The following IL4I1 variants were observed in gnomAD, a reference collection of about 807,000 sequenced individuals.
The protein encoded by IL4I1 is L-amino-acid oxidase.
In IL4I1, 24 loss-of-function variants were observed where a neutral mutation model predicts 29.7. That is an observed-to-expected ratio of 0.81 (90% CI 0.59 to 1.14). IL4I1 has a LOEUF of 1.14. Among genes scored for constraint, IL4I1 ranks in the 50% most tolerant of loss-of-function variants. The pLI is 0.00. For missense variants in IL4I1, 686 were observed against 785.6 expected (o/e 0.87, Z 1.52); for synonymous variants, 371 against 352.5 (o/e 1.05, Z -0.59).
At chr19:49,899,558 TTTTG>T, upstream of IL4I1, among the ~76,000 whole-genome samples, 1 of 150,954 alleles carries the variant, frequency 6.6e-6, no homozygotes, top group East Asian at 2.0e-4. Flanking sequence ...TTTTTGTTTT[TTTTG>T]TTTTTTTTAA....
chr19:49,927,947 G>C (rs1471370888), intron 1 of IL4I1: 1 of 152,266 alleles, frequency 6.6e-6, no homozygotes, highest in African/African-American at 2.4e-5. Context: ...TTGGGAGATA[G>C]TTCCTATCCA....
chr19:49,927,033 G>GT (rs2075911667), intron 2 of IL4I1, among the ~76,000 whole-genome samples: 1 of 151,838 alleles, frequency 6.6e-6, no homozygotes, highest in African/African-American at 2.4e-5. Flanking sequence ...CTATTTTTTT[G>GT]TATTTTTGGT....
At chr19:49,909,481 T>A in intron 2 of IL4I1, 1 of 1,614,132 alleles carries the variant, frequency 6.2e-7, no homozygotes, top group Non-Finnish European at 8.5e-7. Context: ...CGCTGGGGTT[T>A]GCCATGGCTG....
upstream of IL4I1, among the ~76,000 whole-genome samples, chr19:49,897,859 GAAGATGGGAAACTCCCGCAGTAAATCA>G (rs2075231711): frequency 6.6e-6 from 1 of 152,180 alleles, no homozygotes; most frequent in African/African-American, 2.4e-5. Context: ...TAACAAGAAG[GAAGATGGGAAACTCCCGCAGTAAATCA>G]AAGAGGGATG....
chr19:49,907,879 A>C, intron 2 of IL4I1: 1 of 384,698 alleles, frequency 2.6e-6, no homozygotes, highest in Non-Finnish European at 4.8e-6. Context: ...GACACCTATG[A>C]CTATGCTTTG....
At chr19:49,907,965 A>G in intron 2 of IL4I1, 2 of 585,054 alleles carry the variant, frequency 3.4e-6, no homozygotes, top group East Asian at 6.6e-5. Flanking sequence ...CTGAGCCAGG[A>G]TGAGGTGGGT....
At chr19:49,894,942 G>A (rs1309536594) in intron 4 of IL4I1, 126 bp downstream of exon 4, 2 of 710,350 alleles carry the variant, frequency 2.8e-6, no homozygotes, top group Non-Finnish European at 4.8e-6. Context: ...GTGAGGATTA[G>A]GCGAAGGATG....
chr19:49,890,260 C>T lies in IL4I1; in HGVS notation c.1114G>A (p.Gly372Ser), dbSNP rs769554454. The T allele has an allele frequency of 2.5e-6, 4 of 1,579,182 alleles. No individual in the cohort carries two copies. In the Admixed American group the frequency reaches 7.2e-5, roughly 29 times the overall value. ...GACGGGCGATCGGTGTTTGAGTGGC[C>T]GCCTTCAATGTGCTCCTCGCGCCAG... ...PFWREEHIEG[G>S]HSNTDRPSRM... Residue 372 changes from glycine (G) to serine (S), a missense_variant, in exon 8 of 8, where the codon GGC becomes AGC. Gly to Ser is a moderately conservative substitution (Grantham distance 56, BLOSUM62 0). Transcript: ENST00000391826.
At chr19:49,923,196 G>A (rs141065442) in intron 2 of IL4I1, among the ~76,000 whole-genome samples, 283 of 152,200 alleles carry the variant, frequency 1.9e-3, no homozygotes, top group African/African-American at 6.4e-3. Context: ...CCCAGCCCCC[G>A]CGTCATCCTC....
chr19:49,899,284 G>C (rs1364409833), upstream of IL4I1, among the ~76,000 whole-genome samples: 1 of 152,226 alleles, frequency 6.6e-6, no homozygotes, highest in South Asian at 2.1e-4. Flanking sequence ...AGTGGGTGGG[G>C]CCCTGCACCA....
intron 2 of IL4I1, among the ~76,000 whole-genome samples, chr19:49,904,908 C>T (rs2075302473): frequency 6.6e-6 from 1 of 152,134 alleles, no homozygotes; most frequent in African/African-American, 2.4e-5. Context: ...GACAGGGTTT[C>T]ACCGTGTTAG....
intron 5 of IL4I1, among the ~76,000 whole-genome samples, chr19:49,894,058 G>A (rs913451832): frequency 1.3e-5 from 2 of 151,788 alleles, no homozygotes; most frequent in African/African-American, 4.8e-5. Flanking sequence ...CCCTGGGCTG[G>A]CCCATTCTCA....
intron 2 of IL4I1, among the ~76,000 whole-genome samples, chr19:49,925,926 C>A (rs1382357769): frequency 6.6e-6 from 1 of 152,094 alleles, no homozygotes; most frequent in African/African-American, 2.4e-5. Flanking sequence ...TAAAAAATAA[C>A]CCCCTTGGGT....
rs749775396 is a variant in IL4I1 at position 49,890,961 on chromosome 19, C to A, written c.773+10G>T. On this transcript the variant is annotated intron_variant, in intron 7 of 7. Coordinates refer to ENST00000391826, the MANE Select transcript of IL4I1 (RefSeq NM_152899.2). ...GCCCCCCCCCCCTGCCCGCCAGCCC[C>A]GCCCCTTACTGGAGTCTGTCGCTGA... 6.8e-7 allele frequency: 1 copy of A among 1,462,920 alleles called. No individual in the cohort carries two copies. Among genetic ancestry groups the A allele is most frequent in the Non-Finnish European group, 9.1e-7 (1 of 1,094,512 alleles). The allele number at this position is 1,462,920 out of a possible 1,614,324, so 90.6% of individuals were successfully genotyped here.
At chr19:49,902,513 A>T (rs2075280243) in intron 3 of IL4I1, among the ~76,000 whole-genome samples, 1 of 151,936 alleles carries the variant, frequency 6.6e-6, no homozygotes, top group African/African-American at 2.4e-5. Flanking sequence ...CATCACTGAA[A>T]AACAAAACAA....
chr19:49,920,571 G>C (rs1334422057), intron 2 of IL4I1, among the ~76,000 whole-genome samples: 1 of 152,218 alleles, frequency 6.6e-6, no homozygotes, highest in African/African-American at 2.4e-5. Flanking sequence ...GGAAGGGGTT[G>C]AGAGGCCTCC....
intron 5 of IL4I1, 37 bp from the exon 6 acceptor site, chr19:49,891,510 C>T (rs1314329722): frequency 2.5e-6 from 4 of 1,600,928 alleles, no homozygotes; most frequent in African/African-American, 1.3e-5. Flanking sequence ...CTGAGCTGCC[C>T]GGGCAGCCAG....
chr19:49,928,460 T>A (rs1451351295), intron 1 of IL4I1: 1 of 149,022 alleles, frequency 6.7e-6, no homozygotes, highest in African/African-American at 2.5e-5. Flanking sequence ...GAGTTTGCAG[T>A]GAGCCGAGAT....
chr19:49,895,181 C>A lies in IL4I1; in HGVS notation c.253-1G>T, dbSNP rs2075190467. The A allele has an allele frequency of 6.2e-7, 1 of 1,612,782 alleles. No homozygotes were observed. Among genetic ancestry groups the A allele is most frequent in the African/African-American group, 1.3e-5 (1 of 74,830 alleles). On this transcript the variant is annotated splice_acceptor_variant, in intron 3 of 7. Transcript: ENST00000391826. LOFTEE classifies it high-confidence loss of function. ...TGTTATCTGCCTCCAGGATGGTGAC[C>A]TGAGGGAGTCCGTGGGGCGAGGAGG... is the stretch of plus-strand genomic sequence containing the variant.
Sources: gnomAD v4.1 joint callset for allele counts (sites outside exome capture counted in the v4.1 genomes callset) on GRCh38, gnomAD v4.1.1 for gene constraint, MANE v1.5 for transcripts, NCBI Gene and HGNC (gene_info 2026-07-23, HGNC 2026-07-21) for gene names.